The following ANK2 variants were observed in gnomAD, a reference collection of about 807,000 sequenced individuals.
The protein encoded by ANK2 is ankyrin 2.
ANK2 carries 83 observed loss-of-function variants against 360.5 expected under a neutral mutation model. The observed-to-expected ratio is 0.23, with a 90% CI of 0.19 to 0.28. ANK2 has a LOEUF of 0.28. ANK2 is among the 10% of genes least tolerant of loss of function. The pLI is 1.00. For synonymous variants in ANK2, 1,740 were observed against 1,759.5 expected (o/e 0.99, Z 0.28); for missense variants, 4,201 against 4,795.7 (o/e 0.88, Z 3.66).
At chr4:112,901,343 G>T (rs938489862) in intron 1 of ANK2, among the ~76,000 whole-genome samples, 2 of 152,170 alleles carry the variant, frequency 1.3e-5, no homozygotes, top group Non-Finnish European at 2.9e-5. Context: ...GTGAGGGAAA[G>T]CAACTGTATC....
intron 1 of ANK2, among the ~76,000 whole-genome samples, chr4:113,069,462 G>C (rs1057071784): frequency 6.6e-6 from 1 of 152,156 alleles, no homozygotes; most frequent in African/African-American, 2.4e-5. Flanking sequence ...AGGAAAGCAC[G>C]GGCTAATCCA....
chr4:112,740,527 A>C, the ANK2 span, among the ~76,000 whole-genome samples: 1 of 151,938 alleles, frequency 6.6e-6, no homozygotes, highest in Non-Finnish European at 1.5e-5. Context: ...ACATGGTGAA[A>C]CCCTGTCTCT....
chr4:112,923,817 C>T (rs985417288), intron 2 of ANK2, among the ~76,000 whole-genome samples: 5 of 152,062 alleles, frequency 3.3e-5, no homozygotes, highest in South Asian at 2.1e-4. Flanking sequence ...TATAATAAAA[C>T]GCCCAGATTC....
At chr4:113,106,841 C>T (rs2093685651) in intron 1 of ANK2, 1 of 523,494 alleles carries the variant, frequency 1.9e-6, no homozygotes. Flanking sequence ...ATTCCTGTAA[C>T]TGGGCCAGTT....
At chr4:113,140,697 G>A (rs1230862235) in intron 1 of ANK2, among the ~76,000 whole-genome samples, 4 of 151,790 alleles carry the variant, frequency 2.6e-5, no homozygotes, top group South Asian at 2.1e-4. Context: ...TAAATTAATC[G>A]GCCGGGCCCA....
chr4:112,881,998 G>A lies in ANK2; in HGVS notation c.-39-22457G>A, dbSNP rs150916709. 405 of 551,666 alleles carry A rather than the reference G, an allele frequency of 7.3e-4. 4 individuals are homozygous for A. In the East Asian group the frequency reaches 9.9e-3, roughly 14 times the overall value. 34.2% of individuals were successfully genotyped at this position (551,666 alleles called of 1,614,324 possible). A position where few individuals can be genotyped will look rare whatever the true frequency, so the allele number is the denominator to read the frequency against. On this transcript the variant is annotated intron_variant, in intron 1 of 30. Coordinates refer to the ANK2 transcript ENST00000503271. ...AAACCCAGAGCCCCCGGAGTGCTTG[G>A]TGCTTGCATGTCTACTTACCACACA...
At chr4:112,732,635 C>G in the ANK2 span, among the ~76,000 whole-genome samples, 615 of 152,298 alleles carry the variant, frequency 4.0e-3, 4 homozygotes, top group African/African-American at 0.014. Flanking sequence ...GAGGTGTTCT[C>G]TCCTTACAGT....
chr4:113,370,692 G>T (rs761176149), intron 43 of ANK2, among the ~76,000 whole-genome samples: 2 of 152,140 alleles, frequency 1.3e-5, no homozygotes, highest in Admixed American at 6.5e-5. Context: ...CCCGGGAAGC[G>T]GAGCTTGCAG....
In ANK2 at chr4:113,382,308, T is replaced by C. The variant is rs1000339556; in HGVS notation, c.*837T>C. The C allele has an allele frequency of 6.5e-6, 1 of 153,916 alleles. No homozygotes were observed. Among genetic ancestry groups the C allele is most frequent in the African/African-American group, 2.4e-5 (1 of 41,430 alleles). The allele number at this position is 153,916 out of a possible 1,614,324, so 9.5% of individuals were successfully genotyped here. The stretch of plus-strand genomic sequence containing the variant: ...ATTGCTGGTGCTGGCCAGCCATGGC[T>C]TAGGACTCCAACAGCCACTCTGAGG... On this transcript the variant is annotated 3_prime_UTR_variant, in exon 46 of 46. Transcript: ENST00000357077.
intron 1 of ANK2, chr4:113,151,095 A>G: frequency 2.3e-6 from 3 of 1,289,194 alleles, no homozygotes; most frequent in Non-Finnish European, 3.0e-6. Flanking sequence ...ATGCCCCCAG[A>G]TGAAACCAGA....
intron 2 of ANK2, among the ~76,000 whole-genome samples, chr4:112,978,152 G>C (rs2042029259): frequency 1.3e-5 from 2 of 152,030 alleles, no homozygotes; most frequent in Admixed American, 1.3e-4. Context: ...GCTGAGGCAG[G>C]AGAATTGCTT....
chr4:113,164,976 T>A (rs2097700962), intron 1 of ANK2, among the ~76,000 whole-genome samples: 1 of 152,194 alleles, frequency 6.6e-6, no homozygotes, highest in South Asian at 2.1e-4. Flanking sequence ...GACCCAAATG[T>A]TGTTATAGGT....
intron 10 of ANK2, among the ~76,000 whole-genome samples, chr4:113,253,472 CA>C (rs2047605823): frequency 6.6e-6 from 1 of 152,164 alleles, no homozygotes. Flanking sequence ...GTCTCCTGGG[CA>C]TCTCAAATTT....
chr4:113,258,552 A>G, intron 13 of ANK2, 141 bp downstream of exon 13: 1 of 805,542 alleles, frequency 1.2e-6, no homozygotes. Context: ...ATAACACATT[A>G]TTGAAATAAT....
At chr4:113,045,948 C>T (rs1455152519), upstream of ANK2, among the ~76,000 whole-genome samples, 1 of 152,116 alleles carries the variant, frequency 6.6e-6, no homozygotes, top group African/African-American at 2.4e-5. Context: ...TTCCTAGTCC[C>T]CTATTATATG....
At chr4:112,865,228 T>C (rs1043795537) in intron 1 of ANK2, among the ~76,000 whole-genome samples, 4 of 152,014 alleles carry the variant, frequency 2.6e-5, no homozygotes, top group African/African-American at 9.7e-5. Flanking sequence ...TCTTCTCTAG[T>C]ACAAGTCATG....
At chr4:112,833,692 A>G (rs2060346828) in intron 1 of ANK2, among the ~76,000 whole-genome samples, 1 of 152,042 alleles carries the variant, frequency 6.6e-6, no homozygotes, top group Admixed American at 6.6e-5. Context: ...TTTAGTAGAG[A>G]CGGGGTTTCA....
chr4:113,088,706 T>C (rs190526963), intron 1 of ANK2, among the ~76,000 whole-genome samples: 1 of 152,308 alleles, frequency 6.6e-6, no homozygotes, highest in Non-Finnish European at 1.5e-5. Flanking sequence ...CATTTATCTG[T>C]AGATGGGCCT....
intron 9 of ANK2, among the ~76,000 whole-genome samples, chr4:113,248,759 C>T (rs533696923): frequency 2.0e-5 from 3 of 152,262 alleles, no homozygotes; most frequent in South Asian, 2.1e-4. Flanking sequence ...AAATCAGAAA[C>T]TGCTGAAATC....
Sources: allele counts gnomAD v4.1 joint callset (sites outside exome capture counted in the v4.1 genomes callset), GRCh38; gene constraint gnomAD v4.1.1; transcripts MANE v1.5; gene names NCBI Gene and HGNC (gene_info 2026-07-23, HGNC 2026-07-21).